UNC13C: variants seen among roughly 807,000 people sequenced by gnomAD.
UNC13C encodes the protein protein unc-13 homolog C.
UNC13C carries 174 observed loss-of-function variants against 245.4 expected under a neutral mutation model. The observed-to-expected ratio is 0.71, with a 90% CI of 0.63 to 0.80. The LOEUF (loss-of-function observed/expected upper bound fraction) is 0.80. Ranked by LOEUF, UNC13C falls within the 30% of genes least tolerant of loss-of-function variation. The probability of loss-of-function intolerance (pLI) is 0.00; values close to 1 mark genes in which losing one functional copy is unlikely to be tolerated. For synonymous variants in UNC13C, 992 were observed against 895.1 expected (o/e 1.11, Z -1.93); for missense variants, 2,829 against 2,602.9 (o/e 1.09, Z -1.89).
chr15:54,183,123 A>T (rs2033855857), intron 4 of UNC13C, among the ~76,000 whole-genome samples: 1 of 152,006 alleles, frequency 6.6e-6, no homozygotes, highest in Non-Finnish European at 1.5e-5. Context: ...AAGTTAAAAA[A>T]GGTGAAATAG....
intron 4 of UNC13C, among the ~76,000 whole-genome samples, chr15:54,227,145 T>C (rs2035409604): frequency 6.6e-6 from 1 of 151,904 alleles, no homozygotes; most frequent in Non-Finnish European, 1.5e-5. Context: ...AGACCCAAAG[T>C]GGGTAGCTCC....
chr15:53,938,286 A>G, the UNC13C span, among the ~76,000 whole-genome samples: 1 of 152,218 alleles, frequency 6.6e-6, no homozygotes, highest in South Asian at 2.1e-4. Flanking sequence ...GAAGGGCATT[A>G]CATAATGGTA....
At chr15:54,267,241 A>T (rs1359788237) in intron 10 of UNC13C, among the ~76,000 whole-genome samples, 4 of 151,812 alleles carry the variant, frequency 2.6e-5, no homozygotes, top group Non-Finnish European at 5.9e-5. Context: ...GAATATGTTT[A>T]TTCCGAATTA....
chr15:54,590,856 TC>T (rs1898749041), intron 30 of UNC13C, among the ~76,000 whole-genome samples: 1 of 152,308 alleles, frequency 6.6e-6, no homozygotes, highest in East Asian at 1.9e-4. Flanking sequence ...AGAGTGGCCA[TC>T]CCTGTCTTGT....
At chr15:54,157,483 C>CATTATTA (rs2032798946) in intron 4 of UNC13C, among the ~76,000 whole-genome samples, 1 of 152,084 alleles carries the variant, frequency 6.6e-6, no homozygotes, top group Non-Finnish European at 1.5e-5. Context: ...AAGGTAAATC[C>CATTATTA]TTGCTCATGG....
intron 19 of UNC13C, among the ~76,000 whole-genome samples, chr15:54,427,533 CA>C (rs528399521): frequency 6.6e-6 from 1 of 151,644 alleles, no homozygotes; most frequent in East Asian, 2.0e-4. Context: ...TAAAAACTTA[CA>C]AAAAAATTGA....
chr15:54,460,230 C>G (rs1472949569), intron 19 of UNC13C, among the ~76,000 whole-genome samples: 1 of 152,224 alleles, frequency 6.6e-6, no homozygotes, highest in Non-Finnish European at 1.5e-5. Flanking sequence ...TGTAAAGAGT[C>G]CTGTGATGTG....
In UNC13C at chr15:53,997,609, T is replaced by G. The variant is rs191979788; in HGVS notation, c.-256-15039T>G. 5.3e-4 allele frequency among the ~76,000 whole-genome samples: 81 copies of G among 152,282 alleles called. 1 individual carries two copies. The East Asian group carries it at 8.9e-3, about 17-fold the overall frequency. The stretch of plus-strand genomic sequence containing the variant: ...ATAAAATTGTTCCAGGATCATTTAT[T>G]GAAAATATCCTAATTGAATTTTTTG... On this transcript the variant is annotated intron_variant, in intron 1 of 32. Transcript: ENST00000260323.
chr15:53,854,054 C>T, the UNC13C span, among the ~76,000 whole-genome samples: 1 of 151,052 alleles, frequency 6.6e-6, no homozygotes, highest in Non-Finnish European at 1.5e-5. Context: ...GCATTTTCAT[C>T]ATGAAATCTT....
the UNC13C span, among the ~76,000 whole-genome samples, chr15:53,883,237 G>A: frequency 2.0e-5 from 3 of 152,142 alleles, no homozygotes; most frequent in Non-Finnish European, 2.9e-5. Flanking sequence ...GAAAAGGGCA[G>A]TAAAGCTACT....
intron 4 of UNC13C, among the ~76,000 whole-genome samples, chr15:54,223,112 G>A (rs1407948230): frequency 6.6e-6 from 1 of 151,954 alleles, no homozygotes; most frequent in African/African-American, 2.4e-5. Flanking sequence ...GATCCCATTT[G>A]TCCATTTTTG....
chr15:54,435,747 A>G (rs1442922353), intron 19 of UNC13C, among the ~76,000 whole-genome samples: 1 of 96,130 alleles, frequency 1.0e-5, no homozygotes, highest in Non-Finnish European at 2.3e-5. Context: ...TTAAAAAATA[A>G]TAAATAAAAA....
At chr15:53,976,495 T>TC (rs1893709579), upstream of UNC13C, among the ~76,000 whole-genome samples, 1 of 134,376 alleles carries the variant, frequency 7.4e-6, no homozygotes, top group African/African-American at 2.9e-5. Context: ...TTTTTTTTTT[T>TC]CAGTCTTGCT....
intron 30 of UNC13C, among the ~76,000 whole-genome samples, chr15:54,616,597 A>ACCT (rs1186578784): frequency 6.6e-6 from 1 of 152,102 alleles, no homozygotes; most frequent in Non-Finnish European, 1.5e-5. Context: ...AGTCTTTAAA[A>ACCT]TAGAAAAAAT....
intron 26 of UNC13C, among the ~76,000 whole-genome samples, chr15:54,542,489 G>A (rs1314585166): frequency 6.6e-6 from 1 of 152,136 alleles, no homozygotes; most frequent in Non-Finnish European, 1.5e-5. Flanking sequence ...ATATGTGGTG[G>A]AGAGTTCTGT....
intron 30 of UNC13C, among the ~76,000 whole-genome samples, chr15:54,607,184 T>A (rs2141282278): frequency 6.6e-6 from 1 of 152,320 alleles, no homozygotes; most frequent in Non-Finnish European, 1.5e-5. Flanking sequence ...TGGTTGGTAG[T>A]GACAGATGTA....
intron 30 of UNC13C, among the ~76,000 whole-genome samples, chr15:54,614,359 C>G (rs942018239): frequency 2.0e-5 from 3 of 151,872 alleles, no homozygotes; most frequent in African/African-American, 7.2e-5. Context: ...AAATTTTCGA[C>G]TCTATAGGCA....
At chr15:54,414,293 A>G (rs72734715) in intron 18 of UNC13C, among the ~76,000 whole-genome samples, 6,741 of 152,234 alleles carry the variant, frequency 0.044, 175 homozygotes, top group Middle Eastern at 0.065. Flanking sequence ...GTGATTTTTT[A>G]GTGTCATATG....
intron 1 of UNC13C, among the ~76,000 whole-genome samples, chr15:53,983,634 C>G (rs1894012286): frequency 6.6e-6 from 1 of 151,468 alleles, no homozygotes; most frequent in Non-Finnish European, 1.5e-5. Flanking sequence ...ACAAATACAG[C>G]AAATTAAAAA....
Sources: allele counts gnomAD v4.1 joint callset (sites outside exome capture counted in the v4.1 genomes callset), GRCh38; gene constraint gnomAD v4.1.1; transcripts MANE v1.5; gene names NCBI Gene and HGNC (gene_info 2026-07-23, HGNC 2026-07-21).